MEI4: variants seen among roughly 807,000 people sequenced by gnomAD.
MEI4 encodes meiosis-specific protein MEI4.
Under a neutral mutation model 31.4 loss-of-function variants are expected in MEI4, and 27 were observed. The ratio of observed to expected loss-of-function variants is 0.86; its 90% CI spans 0.63 to 1.19. MEI4 has a LOEUF of 1.19. Ranked by LOEUF, MEI4 falls within the 50% of genes most tolerant of loss-of-function variation. The pLI is 0.00. For missense variants in MEI4, 329 were observed against 398.9 expected (o/e 0.82, Z 1.49); for synonymous variants, 122 against 145.4 (o/e 0.84, Z 1.16).
At chr6:77,867,983 C>T (rs1037063391) in intron 4 of MEI4, among the ~76,000 whole-genome samples, 5 of 151,856 alleles carry the variant, frequency 3.3e-5, no homozygotes, top group Admixed American at 2.0e-4. Context: ...AAACCAAACA[C>T]CGCATGTTCT....
intron 1 of MEI4, among the ~76,000 whole-genome samples, chr6:77,682,811 G>A (rs952890510): frequency 1.3e-5 from 2 of 152,130 alleles, no homozygotes; most frequent in African/African-American, 4.8e-5. Flanking sequence ...CAAAATCTGT[G>A]TGTCCTTTGA....
chr6:77,806,994 C>T (rs1299317304), intron 3 of MEI4, among the ~76,000 whole-genome samples: 1 of 152,086 alleles, frequency 6.6e-6, no homozygotes, highest in Non-Finnish European at 1.5e-5. Flanking sequence ...TAACCAGCGT[C>T]ATAGATGATC....
intron 2 of MEI4, among the ~76,000 whole-genome samples, chr6:77,731,261 C>T (rs1476989986): frequency 6.8e-6 from 1 of 147,722 alleles, no homozygotes; most frequent in East Asian, 2.0e-4. Flanking sequence ...AAAAGTGTTC[C>T]TATTTCTCCA....
At chr6:77,727,476 T>C (rs1766857921) in intron 2 of MEI4, among the ~76,000 whole-genome samples, 1 of 152,028 alleles carries the variant, frequency 6.6e-6, no homozygotes, top group African/African-American at 2.4e-5. Context: ...GATTCCAAAA[T>C]AAATAAGAAG....
At position 77,924,501 on chromosome 6, in the gene MEI4, A is replaced by C. The variant is rs1364472584; in HGVS notation, c.*1155A>C. 1 of 151,782 alleles carries C rather than the reference A, an allele frequency of 6.6e-6. No individual in the cohort carries two copies. The highest frequency in any genetic ancestry group is 1.5e-5 in the Non-Finnish European group (1 of 67,880). 9.4% of individuals were successfully genotyped at this position (151,782 alleles called of 1,614,324 possible). Reference sequence around the variant, plus strand: ...CAATCACAAAATATCTATCAGTGGCATACAACAATAATATTTCTCAGATAT... The same window carrying C: ...CAATCACAAAATATCTATCAGTGGCCTACAACAATAATATTTCTCAGATAT... On this transcript the variant is annotated 3_prime_UTR_variant, in exon 5 of 5. Transcript: ENST00000684080.
At chr6:77,665,238 CAG>C (rs1451476535) in intron 1 of MEI4, among the ~76,000 whole-genome samples, 1 of 150,786 alleles carries the variant, frequency 6.6e-6, no homozygotes, top group Non-Finnish European at 1.5e-5. Flanking sequence ...GATTGGGGCA[CAG>C]AGATATGAGG....
At chr6:77,857,415 T>C (rs6908446) in intron 4 of MEI4, among the ~76,000 whole-genome samples, 1 of 152,196 alleles carries the variant, frequency 6.6e-6, no homozygotes, top group Non-Finnish European at 1.5e-5. Flanking sequence ...TCTGTTGCTT[T>C]GATAAAAATT....
chr6:77,780,211 A>G (rs1298071322), intron 3 of MEI4, among the ~76,000 whole-genome samples: 2 of 152,174 alleles, frequency 1.3e-5, no homozygotes, highest in South Asian at 2.1e-4. Context: ...AAGGCGGCCT[A>G]ATCCTCTTAC....
chr6:77,733,202 G>C (rs1334712153), intron 2 of MEI4, among the ~76,000 whole-genome samples: 6 of 151,866 alleles, frequency 4.0e-5, no homozygotes, highest in Admixed American at 3.9e-4. Flanking sequence ...AGAAGGAATG[G>C]TACCAGCTCC....
chr6:77,846,837 T>C (rs1344462395), intron 4 of MEI4, among the ~76,000 whole-genome samples: 1 of 152,166 alleles, frequency 6.6e-6, no homozygotes, highest in Non-Finnish European at 1.5e-5. Context: ...AGGGCCTTTG[T>C]TACATCTTGC....
chr6:77,676,674 G>A (rs1768851375), intron 1 of MEI4, among the ~76,000 whole-genome samples: 1 of 152,190 alleles, frequency 6.6e-6, no homozygotes, highest in South Asian at 2.1e-4. Context: ...GACTCACTGA[G>A]TGTGAGTTTA....
In MEI4 at chr6:77,653,699, G is replaced by A. The variant is rs1768338766; in HGVS notation, c.-15+607G>A. 1.3e-5 allele frequency among the ~76,000 whole-genome samples: 2 copies of A among 152,140 alleles called. 1 individual carries two copies. The highest frequency in any genetic ancestry group is 4.1e-4 in the South Asian group (2 of 4,832). Reference sequence around the variant, plus strand: ...AAGAACTCTGATCTATCAAAAGATAGATGTAAGACAACGTTAACATCATCT... The same window carrying A: ...AAGAACTCTGATCTATCAAAAGATAAATGTAAGACAACGTTAACATCATCT... On this transcript the variant is annotated intron_variant, in intron 1 of 4. Transcript: ENST00000684080.
intron 3 of MEI4, among the ~76,000 whole-genome samples, chr6:77,779,771 A>G (rs1474554550): frequency 6.6e-6 from 1 of 152,186 alleles, no homozygotes; most frequent in Non-Finnish European, 1.5e-5. Context: ...ACTCTTAGAA[A>G]CAGACAGCAG....
At chr6:77,711,052 A>G (rs773997718) in intron 2 of MEI4, among the ~76,000 whole-genome samples, 4 of 152,194 alleles carry the variant, frequency 2.6e-5, no homozygotes, top group Non-Finnish European at 5.9e-5. Context: ...GATTCCACAT[A>G]TAAGTGAGAT....
At chr6:77,696,608 A>G (rs538679046) in intron 2 of MEI4, among the ~76,000 whole-genome samples, 2 of 151,588 alleles carry the variant, frequency 1.3e-5, no homozygotes, top group African/African-American at 4.8e-5. Context: ...CATCCCAGGG[A>G]TGAAGCCCAC....
chr6:77,865,055 C>T (rs1770981612), intron 4 of MEI4, among the ~76,000 whole-genome samples: 1 of 151,958 alleles, frequency 6.6e-6, no homozygotes, highest in Admixed American at 6.6e-5. Context: ...CACAACATAC[C>T]AGAATCTCTA....
intron 4 of MEI4, among the ~76,000 whole-genome samples, chr6:77,918,990 T>C (rs1288276347): frequency 1.3e-5 from 2 of 152,048 alleles, no homozygotes; most frequent in Non-Finnish European, 2.9e-5. Context: ...GGTTGTTGAA[T>C]TATAAAGCAA....
At chr6:77,911,302 T>G (rs575998702) in intron 4 of MEI4, among the ~76,000 whole-genome samples, 8 of 152,242 alleles carry the variant, frequency 5.3e-5, no homozygotes, top group African/African-American at 1.9e-4. Flanking sequence ...TTTTGTTTTT[T>G]GTTTTCTAAC....
chr6:77,766,224 G>A (rs1768171521), intron 3 of MEI4, among the ~76,000 whole-genome samples: 1 of 152,024 alleles, frequency 6.6e-6, no homozygotes, highest in African/African-American at 2.4e-5. Context: ...TGAATGTTGT[G>A]GTTTTAATTA....
Sources: gnomAD v4.1 joint callset for allele counts (sites outside exome capture counted in the v4.1 genomes callset) on GRCh38, gnomAD v4.1.1 for gene constraint, MANE v1.5 for transcripts, NCBI Gene and HGNC (gene_info 2026-07-23, HGNC 2026-07-21) for gene names.